The following ZNF727 variants were observed in gnomAD, a reference collection of about 807,000 sequenced individuals.
The protein encoded by ZNF727 is zinc finger protein 727.
A neutral mutation model predicts 11.5 loss-of-function variants in ZNF727; 11 were observed. That is an observed-to-expected ratio of 0.95 (90% CI 0.60 to 1.58). ZNF727 has a LOEUF of 1.58. ZNF727 is among the 40% of genes most tolerant of loss of function. The probability of loss-of-function intolerance (pLI) is 0.00; values close to 1 mark genes in which losing one functional copy is unlikely to be tolerated. For synonymous variants in ZNF727, 171 were observed against 196.1 expected (o/e 0.87, Z 1.07); for missense variants, 533 against 581.7 (o/e 0.92, Z 0.86).
Position 64,077,972 on chromosome 7 carries a change from G to T in ZNF727, c.923G>T (p.Gly308Val). 1 of 1,596,160 alleles carries T rather than the reference G, an allele frequency of 6.3e-7. No homozygotes were observed. Among genetic ancestry groups the T allele is most frequent in the East Asian group, 2.3e-5 (1 of 43,786 alleles). The change falls in exon 4 of 4, where the codon GGA becomes GTA. Residue 308 changes from glycine (G) to valine (V), a missense_variant. Physicochemically the swap from Gly to Val is moderately radical, Grantham distance 109. This residue lies in a region of ZNF727 where 463 missense variants were observed against 494.5 expected (regional missense o/e 0.94). Coordinates refer to ENST00000456806, the MANE Select transcript of ZNF727 (RefSeq NM_001159522.3). ...ACTAAACATAAGAGAATTCATACTG[G>T]AGAGAAACCCTACAAATGTAATGAA... Reference protein sequence around the residue: ...DLTKHKRIHTGEKPYKCNECG... With the variant: ...DLTKHKRIHTVEKPYKCNECG...
At chr7:64,055,596 C>A (rs1250849342) in intron 1 of ZNF727, among the ~76,000 whole-genome samples, 2 of 152,132 alleles carry the variant, frequency 1.3e-5, no homozygotes, top group Non-Finnish European at 2.9e-5. Context: ...CTACCATTCT[C>A]GGTCAGTTAT....
At chr7:64,050,724 A>T (rs1446754125) in intron 1 of ZNF727, among the ~76,000 whole-genome samples, 1 of 151,968 alleles carries the variant, frequency 6.6e-6, no homozygotes, top group Admixed American at 6.6e-5. Flanking sequence ...TGAAAAAACC[A>T]TAGGCCTCAA....
At chr7:64,059,748 A>G (rs540412423) in intron 1 of ZNF727, among the ~76,000 whole-genome samples, 2 of 152,356 alleles carry the variant, frequency 1.3e-5, no homozygotes, top group South Asian at 2.1e-4. Flanking sequence ...ATAAGGGCAA[A>G]TACAAATTAT....
At chr7:64,068,857 T>C in intron 1 of ZNF727, 34 bp from the exon 2 acceptor site, 1 of 1,558,188 alleles carries the variant, frequency 6.4e-7, no homozygotes, top group African/African-American at 1.4e-5. Context: ...GAATTATTTC[T>C]TTGGTCACTT....
chr7:64,077,672 C>A lies in ZNF727; in HGVS notation c.623C>A (p.Ala208Asp). 6.4e-7 allele frequency: 1 copy of A among 1,559,744 alleles called. No homozygotes were observed. Residue 208 changes from alanine to aspartate, a missense_variant, in exon 4 of 4, where the codon GCC becomes GAC. By Grantham distance (126) the Ala-to-Asp change is moderately radical. This residue lies in a region of ZNF727 where 463 missense variants were observed against 494.5 expected (regional missense o/e 0.94). Coordinates refer to ENST00000456806, the MANE Select transcript of ZNF727 (RefSeq NM_001159522.3). ...TACAAATGTGAAGAATGTGGCAAAG[C>A]CTGTAAAAAGTTCTCAAACCTTACT... ...RSYKCEECGK[A>D]CKKFSNLTEH... is the part of the protein sequence containing the mutation.
intron 3 of ZNF727, among the ~76,000 whole-genome samples, chr7:64,075,367 T>A (rs1375591809): frequency 6.6e-6 from 1 of 152,068 alleles, no homozygotes; most frequent in Non-Finnish European, 1.5e-5. Context: ...TTCATCATAT[T>A]TTCTCATCAA....
At position 64,084,550 on chromosome 7, in the gene ZNF727, A is replaced by G. The variant is rs939077605; in HGVS notation, c.*6001A>G. Among the ~76,000 whole-genome samples the G allele has an allele frequency of 1.3e-5, 2 of 152,204 alleles. No individual in the cohort carries two copies. Among genetic ancestry groups the G allele is most frequent in the African/African-American group, 4.8e-5 (2 of 41,456 alleles). ...TTTAACTTACCATAATTTGGAGAAT[A>G]TGATTCCTACAAATTAACATTTTTG... On this transcript the variant is annotated 3_prime_UTR_variant, in exon 4 of 4. Coordinates refer to ENST00000456806, the MANE Select transcript of ZNF727 (RefSeq NM_001159522.3).
Position 64,045,445 on chromosome 7 carries a change from T to C in ZNF727, c.-177T>C, listed in dbSNP as rs1008757061. On this transcript the variant is annotated 5_prime_UTR_variant, in exon 1 of 4. Transcript: ENST00000456806. Reference sequence around the variant, plus strand: ...AGAGAGGAAGAGGCGGGCTCTTCAATATGGCAAGGCCTTCGTCTCCTAGCT... The same window carrying C: ...AGAGAGGAAGAGGCGGGCTCTTCAACATGGCAAGGCCTTCGTCTCCTAGCT... The C allele has an allele frequency of 3.4e-6, 3 of 876,890 alleles. No homozygotes were observed. The highest frequency in any genetic ancestry group is 1.5e-5 in the South Asian group (1 of 68,900). 54.3% of individuals were successfully genotyped at this position (876,890 alleles called of 1,614,324 possible).
In ZNF727 at chr7:64,077,524, A is replaced by AT; in HGVS notation, c.476dup (p.Phe160LeufsTer3). The AT allele has an allele frequency of 6.4e-7, 1 of 1,551,484 alleles. No homozygotes were observed. Among genetic ancestry groups the AT allele is most frequent in the Non-Finnish European group, 8.7e-7 (1 of 1,146,806 alleles). ...TGGCAAAGCTTTTGGGTTGTGCTCA[A>AT]TCTTCACTGAACATAAGAAAATTTT... On this transcript the variant is annotated frameshift_variant, in exon 4 of 4. Transcript: ENST00000456806. LOFTEE classifies it low-confidence loss of function (END_TRUNC).
chr7:64,070,183 A>G (rs187005102), intron 3 of ZNF727, among the ~76,000 whole-genome samples: 2 of 152,218 alleles, frequency 1.3e-5, no homozygotes, highest in East Asian at 3.9e-4. Flanking sequence ...ATCTCCCTAA[A>G]TGAAACAAAC....
Position 64,077,274 on chromosome 7 carries a change from A to T in ZNF727, c.227-2A>T. 1 of 1,481,760 alleles carries T rather than the reference A, an allele frequency of 6.7e-7. No homozygotes were observed. Among genetic ancestry groups the T allele is most frequent in the Non-Finnish European group, 8.9e-7 (1 of 1,118,534 alleles). The allele number at this position is 1,481,760 out of a possible 1,614,324, so 91.8% of individuals were successfully genotyped here. On this transcript the variant is annotated splice_acceptor_variant, in intron 3 of 3. Coordinates refer to ENST00000456806, the MANE Select transcript of ZNF727 (RefSeq NM_001159522.3). LOFTEE classifies it high-confidence loss of function. Reference sequence around the variant, plus strand: ...ATTTTGTGGTTCTTTTTTTTTTTTCAGCTGGCTCTTTGCATTTTACTGCAG... The same window carrying T: ...ATTTTGTGGTTCTTTTTTTTTTTTCTGCTGGCTCTTTGCATTTTACTGCAG...
chr7:64,053,390 G>A (rs1311861590), intron 1 of ZNF727, among the ~76,000 whole-genome samples: 1 of 152,040 alleles, frequency 6.6e-6, no homozygotes, highest in East Asian at 1.9e-4. Flanking sequence ...GCACAGTCTC[G>A]GCTCACTGCA....
Position 64,082,404 on chromosome 7 carries a change from A to G in ZNF727, c.*3855A>G, listed in dbSNP as rs907032125. Reference sequence around the variant, plus strand: ...CTCAGATTTTCCAGTACCTGACAACATTATCACCAGTGAATACTGTAAAAC... The same window carrying G: ...CTCAGATTTTCCAGTACCTGACAACGTTATCACCAGTGAATACTGTAAAAC... On this transcript the variant is annotated 3_prime_UTR_variant, in exon 4 of 4. Coordinates refer to ENST00000456806, the MANE Select transcript of ZNF727 (RefSeq NM_001159522.3). Among the ~76,000 whole-genome samples the G allele has an allele frequency of 7.2e-5, 11 of 152,202 alleles. No individual in the cohort carries two copies. The highest frequency in any genetic ancestry group is 1.5e-4 in the Non-Finnish European group (10 of 68,044).
chr7:64,058,917 A>G (rs1789727273), intron 1 of ZNF727, among the ~76,000 whole-genome samples: 1 of 151,004 alleles, frequency 6.6e-6, no homozygotes, highest in African/African-American at 2.4e-5. Flanking sequence ...CTTTCATTAT[A>G]GATTAACCTA....
rs71057374 is a variant in ZNF727, at chr7:64,062,685, A to AATATATATATAT, written c.4-6199_4-6188dup. Among the ~76,000 whole-genome samples, 117 of 90,000 alleles carry AATATATATATAT rather than the reference A, an allele frequency of 1.3e-3. 8 individuals are homozygous for AATATATATATAT. The highest frequency in any genetic ancestry group is 6.0e-3 in the Middle Eastern group (1 of 166). The allele number at this position is 90,000 out of a possible 152,430, so 59.0% of individuals were successfully genotyped here. ...GCATTCTATAACCTTCTTGTACTTG[A>AATATATATATAT]ATATATATATATATATATGAAGTTC... On this transcript the variant is annotated intron_variant, in intron 1 of 3. Coordinates refer to ENST00000456806, the MANE Select transcript of ZNF727 (RefSeq NM_001159522.3).
chr7:64,076,088 G>A (rs1383213057), intron 3 of ZNF727, among the ~76,000 whole-genome samples: 2 of 151,474 alleles, frequency 1.3e-5, no homozygotes, highest in African/African-American at 4.9e-5. Context: ...TTAATTAATT[G>A]TGCTTTTAGT....
At position 64,084,804 on chromosome 7, in the gene ZNF727, TA is replaced by T. The variant is rs1219121814; in HGVS notation, c.*6256del. On this transcript the variant is annotated 3_prime_UTR_variant, in exon 4 of 4. Transcript: ENST00000456806. ...AAATAAACTTTAAGTGTAACAGATT[TA>T]TAGAGAAAATATTCGTATTTGTTTA... Among the ~76,000 whole-genome samples, 1 of 152,178 alleles carries T rather than the reference TA, an allele frequency of 6.6e-6. No individual in the cohort carries two copies. Among genetic ancestry groups the T allele is most frequent in the Non-Finnish European group, 1.5e-5 (1 of 68,000 alleles).
rs182358662 is a variant in ZNF727 at position 64,077,907 on chromosome 7, T to A, written c.858T>A (p.Cys286Ter). 1.1e-5 allele frequency: 17 copies of A among 1,585,024 alleles called. No individual in the cohort carries two copies. In the African/African-American group the frequency reaches 1.5e-4, roughly 14 times the overall value. Residue 286 changes from cysteine to a stop codon, truncating the protein, a stop_gained, in exon 4 of 4, where the codon TGT (cysteine) becomes TGA (stop). Transcript: ENST00000456806. LOFTEE classifies it low-confidence loss of function (END_TRUNC). ...RIHTGEKPYK[C>*]KECHKAFRCC... ...ATACTGGAGAGAAACCCTACAAATGTAAAGAATGTCACAAAGCCTTTAGGT... is the reference window on the plus strand; with the variant it reads ...ATACTGGAGAGAAACCCTACAAATGAAAAGAATGTCACAAAGCCTTTAGGT...
intron 1 of ZNF727, among the ~76,000 whole-genome samples, chr7:64,053,855 C>T (rs1278984188): frequency 1.3e-5 from 2 of 152,174 alleles, no homozygotes; most frequent in Admixed American, 6.5e-5. Flanking sequence ...GTGGGCGGGA[C>T]ATGACTGCTT....
Sources: gnomAD v4.1 joint callset for allele counts (sites outside exome capture counted in the v4.1 genomes callset) on GRCh38, gnomAD v4.1.1 for gene constraint, gnomAD v4.1.1 regional missense constraint, MANE v1.5 for transcripts, NCBI Gene and HGNC (gene_info 2026-07-23, HGNC 2026-07-21) for gene names.